NKX2-1: variants seen among roughly 807,000 people sequenced by gnomAD.
NKX2-1 encodes homeobox protein Nkx-2.1.
In NKX2-1, 9 loss-of-function variants were observed where a neutral mutation model predicts 35.1. The observed-to-expected ratio is 0.26, with a 90% CI of 0.15 to 0.45. The LOEUF is 0.45. Ranked by LOEUF, NKX2-1 falls within the 20% of genes least tolerant of loss-of-function variation. NKX2-1 has a pLI of 1.00. For missense variants in NKX2-1, 509 were observed against 589.1 expected (o/e 0.86, Z 1.41); for synonymous variants, 284 against 269.9 (o/e 1.05, Z -0.51).
chr14:36,518,523 C>T (rs939168048), intron 2 of NKX2-1, among the ~76,000 whole-genome samples: 2 of 152,150 alleles, frequency 1.3e-5, no homozygotes, highest in African/African-American at 4.8e-5. Flanking sequence ...TGCTCGGACC[C>T]TTAGAGTCCC....
intron 1 of NKX2-1, 62 bp downstream of exon 1, chr14:36,519,991 G>T: frequency 6.2e-7 from 1 of 1,605,320 alleles, no homozygotes; most frequent in Non-Finnish European, 8.5e-7. Flanking sequence ...TTCGGTCGGG[G>T]TTCCCCGGGC....
Position 36,517,121 on chromosome 14 carries a change from GT to G in NKX2-1, c.*156del. ...GGGAAAAAAAGAAAGACGTCCAGCA[GT>G]TTGGCCTTTGTGGTTTTTTTGTTCC... On this transcript the variant is annotated 3_prime_UTR_variant, in exon 3 of 3. Coordinates refer to ENST00000354822, the MANE Select transcript of NKX2-1 (RefSeq NM_001079668.3). The G allele has an allele frequency of 3.0e-6, 4 of 1,319,204 alleles. No individual in the cohort carries two copies. The South Asian group carries it at 4.8e-5, about 16-fold the overall frequency. 81.7% of individuals were successfully genotyped at this position (1,319,204 alleles called of 1,614,324 possible). A position where few individuals can be genotyped will look rare whatever the true frequency, so the allele number is the denominator to read the frequency against.
Position 36,517,103 on chromosome 14 carries a change from A to T in NKX2-1, c.*175T>A. 3 of 928,862 alleles carry T rather than the reference A, an allele frequency of 3.2e-6. No homozygotes were observed. The highest frequency in any genetic ancestry group is 2.3e-5 in the South Asian group (1 of 43,954). 57.5% of individuals were successfully genotyped at this position (928,862 alleles called of 1,614,324 possible). On this transcript the variant is annotated 3_prime_UTR_variant, in exon 3 of 3. Coordinates refer to ENST00000354822, the MANE Select transcript of NKX2-1 (RefSeq NM_001079668.3). ...ACCCACAAATTTTAGGGGGGGAAAA[A>T]AAGAAAGACGTCCAGCAGTTTGGCC... is the stretch of plus-strand genomic sequence containing the variant.
intron 2 of NKX2-1, 98 bp from the exon 3 acceptor site, chr14:36,518,118 G>A: frequency 6.6e-7 from 1 of 1,505,494 alleles, no homozygotes. Context: ...CCCAACCGAC[G>A]GCGCCCTCCT....
intron 2 of NKX2-1, among the ~76,000 whole-genome samples, chr14:36,518,320 C>A (rs552624423): frequency 6.6e-6 from 1 of 152,122 alleles, no homozygotes; most frequent in African/African-American, 2.4e-5. Flanking sequence ...CTGCTCCTTT[C>A]GTGCCCAGCC....
rs1369967333 is a variant in NKX2-1 at position 36,516,519 on chromosome 14, C to G, written c.*759G>C. On this transcript the variant is annotated 3_prime_UTR_variant, in exon 3 of 3. Coordinates refer to ENST00000354822, the MANE Select transcript of NKX2-1 (RefSeq NM_001079668.3). Reference sequence around the variant, plus strand: ...AAAGACTGACGCCGCAAATACCAAACTGCCAAATAATATACACAGATTTGT... The same window carrying G: ...AAAGACTGACGCCGCAAATACCAAAGTGCCAAATAATATACACAGATTTGT... The G allele has an allele frequency of 4.3e-6, 1 of 232,832 alleles. No individual in the cohort carries two copies. The highest frequency in any genetic ancestry group is 8.5e-6 in the Non-Finnish European group (1 of 117,740). 14.4% of individuals were successfully genotyped at this position (232,832 alleles called of 1,614,324 possible). A position where few individuals can be genotyped will look rare whatever the true frequency, so the allele number is the denominator to read the frequency against.
rs1881284221 is a variant in NKX2-1 at position 36,520,103 on chromosome 14, C to T, written c.27G>A (p.Ala9=). MWSGGSGK[A]RGWEAAAGGR... The stretch of plus-strand genomic sequence containing the variant: ...CTCCCGCCGCGGCCTCCCAGCCCCG[C>T]GCCTTCCCACTGCCTCCGGACCACA... Residue 9 remains alanine (A), a synonymous_variant, in exon 1 of 3, where the codon GCG becomes GCA. Transcript: ENST00000354822. 5 of 1,613,092 alleles carry T rather than the reference C, an allele frequency of 3.1e-6. No homozygotes were observed. The highest frequency in any genetic ancestry group is 2.7e-5 in the African/African-American group (2 of 74,926).
rs1195377434 is a variant in NKX2-1 at position 36,519,183 on chromosome 14, C to T, written c.265G>A (p.Gly89Arg). The T allele has an allele frequency of 6.2e-7, 1 of 1,603,246 alleles. No homozygotes were observed. ...GCGGCGGTGACGGCGCCGTGGTGCCCCACGGCGTGCTGCTGCATGGCCGCT... is the reference window on the plus strand; with the variant it reads ...GCGGCGGTGACGGCGCCGTGGTGCCTCACGGCGTGCTGCTGCATGGCCGCT... ...PTAAMQQHAV[G>R]HHGAVTAAYH... The change falls in exon 2 of 3, where the codon GGG (glycine) becomes AGG (arginine). Residue 89 changes from glycine to arginine, a missense_variant. This residue lies in a region of NKX2-1 where 271 missense variants were observed against 284.1 expected (regional missense o/e 0.95). Coordinates refer to ENST00000354822, the MANE Select transcript of NKX2-1 (RefSeq NM_001079668.3).
rs1186621161 is a variant in NKX2-1 at position 36,517,444 on chromosome 14, G to A, written c.1040C>T (p.Pro347Leu). Residue 347 changes from proline to leucine, a missense_variant, in exon 3 of 3, where the codon CCG becomes CTG. This residue lies in a region of NKX2-1 where 212 missense variants were observed against 227.7 expected (regional missense o/e 0.93). Coordinates refer to ENST00000354822, the MANE Select transcript of NKX2-1 (RefSeq NM_001079668.3). ...GCCTGCGCTGCCTGGCTGGTGGCCCGGGTGTGCGCCAAGGCCGGCGCCACC... is the reference window on the plus strand; with the variant it reads ...GCCTGCGCTGCCTGGCTGGTGGCCCAGGTGTGCGCCAAGGCCGGCGCCACC... Reference protein sequence around the residue: ...GSGGAGLGAHPGHQPGSAGQS... With the variant: ...GSGGAGLGAHLGHQPGSAGQS... 5 of 1,496,336 alleles carry A rather than the reference G, an allele frequency of 3.3e-6. No individual in the cohort carries two copies. The highest frequency in any genetic ancestry group is 4.4e-6 in the Non-Finnish European group (5 of 1,125,340). The allele number at this position is 1,496,336 out of a possible 1,614,324, so 92.7% of individuals were successfully genotyped here. A position where few individuals can be genotyped will look rare whatever the true frequency, so the allele number is the denominator to read the frequency against.
chr14:36,519,242 G>C lies in NKX2-1; in HGVS notation c.206C>G (p.Ala69Gly), dbSNP rs1004953614. 6.2e-7 allele frequency: 1 copy of C among 1,609,212 alleles called. No homozygotes were observed. Among genetic ancestry groups the C allele is most frequent in the Non-Finnish European group, 8.5e-7 (1 of 1,178,372 alleles). ...TGCCGCCTGGCCCTGCCTGTACGCC[G>C]CCAGCGGAGCCCCGAGGCCGCCGCC... is the stretch of plus-strand genomic sequence containing the variant. ...MEGGGLGAPL[A>G]AYRQGQAAPP... The change falls in exon 2 of 3, where the codon GCG becomes GGG. Residue 69 changes from alanine to glycine, a missense_variant. Ala to Gly is a moderately conservative substitution (Grantham distance 60). This residue lies in a region of NKX2-1 where 271 missense variants were observed against 284.1 expected (regional missense o/e 0.95). Coordinates refer to ENST00000354822, the MANE Select transcript of NKX2-1 (RefSeq NM_001079668.3).
At position 36,517,961 on chromosome 14, in the gene NKX2-1, A is replaced by T; in HGVS notation, c.523T>A (p.Ser175Thr). The change falls in exon 3 of 3, where the codon TCG becomes ACG. Residue 175 changes from serine to threonine, a missense_variant. Ser to Thr is a moderately conservative substitution (Grantham distance 58, BLOSUM62 1). Transcript: ENST00000354822. The stretch of plus-strand genomic sequence containing the variant: ...ATGTTCTTGCTCACGTCCCCCAGCG[A>T]GCCCAGGCCGCCCATGCCGCTCATG... ...MNMSGMGGLGSLGDVSKNMAP... is the reference protein window; with the variant it reads ...MNMSGMGGLGTLGDVSKNMAP... 6.2e-7 allele frequency: 1 copy of T among 1,600,832 alleles called. No homozygotes were observed. The highest frequency in any genetic ancestry group is 8.5e-7 in the Non-Finnish European group (1 of 1,179,738).
Position 36,516,669 on chromosome 14 carries a change from T to A in NKX2-1, c.*609A>T, listed in dbSNP as rs553403824. Reference sequence around the variant, plus strand: ...TTTGACAGCGTTTTACAGCTACAAGTTCACATTAAACAAACTATTTTCGCG... The same window carrying A: ...TTTGACAGCGTTTTACAGCTACAAGATCACATTAAACAAACTATTTTCGCG... On this transcript the variant is annotated 3_prime_UTR_variant, in exon 3 of 3. Coordinates refer to ENST00000354822, the MANE Select transcript of NKX2-1 (RefSeq NM_001079668.3). 4.3e-6 allele frequency: 1 copy of A among 232,906 alleles called. No individual in the cohort carries two copies. The highest frequency in any genetic ancestry group is 6.1e-5 in the East Asian group (1 of 16,496). 14.4% of individuals were successfully genotyped at this position (232,906 alleles called of 1,614,324 possible). A position where few individuals can be genotyped will look rare whatever the true frequency, so the allele number is the denominator to read the frequency against.
chr14:36,517,386 G>C lies in NKX2-1; in HGVS notation c.1098C>G (p.Ser366Arg), dbSNP rs907557840. 4 of 1,602,128 alleles carry C rather than the reference G, an allele frequency of 2.5e-6. No homozygotes were observed. The highest frequency in any genetic ancestry group is 1.8e-4 in the Middle Eastern group (1 of 5,648). Reference protein sequence around the residue: ...QSPDLAHHAASPAALQGQVSS... With the variant: ...QSPDLAHHAARPAALQGQVSS... ...ATACCTGGCCCTGCAGCGCCGCGGGGCTGGCGGCGTGGTGCGCCAGGTCCG... is the reference window on the plus strand; with the variant it reads ...ATACCTGGCCCTGCAGCGCCGCGGGCCTGGCGGCGTGGTGCGCCAGGTCCG... The change falls in exon 3 of 3, where the codon AGC becomes AGG. Residue 366 changes from serine (S) to arginine (R), a missense_variant. By Grantham distance (110) the Ser-to-Arg change is moderately radical (BLOSUM62 -1). Around this residue, in one of 5 missense-constraint regions of NKX2-1, gnomAD observed 212 missense variants for 227.7 expected, o/e 0.93. Transcript: ENST00000354822.
Position 36,518,035 on chromosome 14 carries a change from C to G in NKX2-1, c.464-15G>C, listed in dbSNP as rs370921485. 4.4e-6 allele frequency: 7 copies of G among 1,596,932 alleles called. No individual in the cohort carries two copies. Among genetic ancestry groups the G allele is most frequent in the Non-Finnish European group, 5.9e-6 (7 of 1,179,474 alleles). On this transcript the variant is annotated splice_polypyrimidine_tract_variant and intron_variant, in intron 2 of 2. Transcript: ENST00000354822. Reference sequence around the variant, plus strand: ...GAAGCGGGAGACTGTAAGCGACAAACGCACAGCGTCGGCCGGGGCCAGGCC... The same window carrying G: ...GAAGCGGGAGACTGTAAGCGACAAAGGCACAGCGTCGGCCGGGGCCAGGCC...
In NKX2-1 at chr14:36,516,965, T is replaced by G; in HGVS notation, c.*313A>C. The G allele has an allele frequency of 2.3e-6, 1 of 426,138 alleles. No individual in the cohort carries two copies. The allele number at this position is 426,138 out of a possible 1,614,324, so 26.4% of individuals were successfully genotyped here. On this transcript the variant is annotated 3_prime_UTR_variant, in exon 3 of 3. Coordinates refer to ENST00000354822, the MANE Select transcript of NKX2-1 (RefSeq NM_001079668.3). Reference sequence around the variant, plus strand: ...CCCCGCCCTAGCGTGGAAAACCCATTTGAATCACCAAAAAAAGACACCCCA... The same window carrying G: ...CCCCGCCCTAGCGTGGAAAACCCATGTGAATCACCAAAAAAAGACACCCCA...
chr14:36,518,954 C>G, intron 2 of NKX2-1, 31 bp downstream of exon 2: 1 of 1,528,310 alleles, frequency 6.5e-7, no homozygotes, highest in African/African-American at 1.4e-5. Context: ...GAGCTCAGCC[C>G]GCGGCCCCGC....
Position 36,517,264 on chromosome 14 carries a change from G to A in NKX2-1, c.*14C>T, listed in dbSNP as rs755542970. 19 of 1,594,188 alleles carry A rather than the reference G, an allele frequency of 1.2e-5. No individual in the cohort carries two copies. Among genetic ancestry groups the A allele is most frequent in the Middle Eastern group, 1.8e-4 (1 of 5,714 alleles). ...TGAGGCAGAGCGCTGGGCTAGGGCC[G>A]GCCCGGCGTCCTCTCACCAGGTCCG... is the stretch of plus-strand genomic sequence containing the variant. On this transcript the variant is annotated 3_prime_UTR_variant, in exon 3 of 3. Coordinates refer to ENST00000354822, the MANE Select transcript of NKX2-1 (RefSeq NM_001079668.3).
At chr14:36,519,829 T>G (rs1404254772) in intron 1 of NKX2-1, 80 of 1,270,780 alleles carry the variant, frequency 6.3e-5, no homozygotes, top group Admixed American at 2.4e-4. Flanking sequence ...GGGGAGGAGG[T>G]GGAGGGGAGG....
In NKX2-1 at chr14:36,517,136, T is replaced by G. The variant is rs533460253; in HGVS notation, c.*142A>C. On this transcript the variant is annotated 3_prime_UTR_variant, in exon 3 of 3. Transcript: ENST00000354822. ...ACGTCCAGCAGTTTGGCCTTTGTGG[T>G]TTTTTTGTTCCTTGGTCTAAACGCG... 19 of 1,389,454 alleles carry G rather than the reference T, an allele frequency of 1.4e-5. No individual in the cohort carries two copies. In the East Asian group the frequency reaches 3.2e-4, roughly 23 times the overall value. 86.1% of individuals were successfully genotyped at this position (1,389,454 alleles called of 1,614,324 possible). A position where few individuals can be genotyped will look rare whatever the true frequency, so the allele number is the denominator to read the frequency against.
Sources: gnomAD v4.1 joint callset for allele counts (sites outside exome capture counted in the v4.1 genomes callset) on GRCh38, gnomAD v4.1.1 for gene constraint, gnomAD v4.1.1 regional missense constraint, MANE v1.5 for transcripts, NCBI Gene and HGNC (gene_info 2026-07-23, HGNC 2026-07-21) for gene names.